The following VPS13B variants were observed in gnomAD, a reference collection of about 807,000 sequenced individuals.
The protein encoded by VPS13B is vacuolar protein sorting 13 homolog B.
A neutral mutation model predicts 426.4 loss-of-function variants in VPS13B; 285 were observed. That is an observed-to-expected ratio of 0.67 (90% CI 0.61 to 0.74). The LOEUF is 0.74. Among genes scored for constraint, VPS13B ranks in the 30% least tolerant of loss-of-function variants. The pLI is 0.00. For synonymous variants in VPS13B, 1,676 were observed against 1,676.4 expected, an observed-to-expected ratio of 1.00 and a Z score of 0.01; for missense variants, 4,537 against 4,782.6, an observed-to-expected ratio of 0.95 and a Z score of 1.51.
intron 13 of VPS13B, among the ~76,000 whole-genome samples, chr8:99,145,233 T>C (rs1406020743): frequency 1.3e-5 from 2 of 152,240 alleles, no homozygotes; most frequent in African/African-American, 2.4e-5. Context: ...ATTAACTTAT[T>C]ATTTTAATAG....
intron 19 of VPS13B, among the ~76,000 whole-genome samples, chr8:99,305,474 G>C (rs1820588004): frequency 1.3e-5 from 2 of 152,058 alleles, no homozygotes; most frequent in Admixed American, 1.3e-4. Context: ...TTGAGTATCA[G>C]CAGATTTTGA....
chr8:99,467,629 C>T lies in VPS13B; in HGVS notation c.3661C>T (p.Pro1221Ser). 6.2e-7 allele frequency: 1 copy of T among 1,608,214 alleles called. No individual in the cohort carries two copies. The highest frequency in any genetic ancestry group is 1.4e-5 in the African/African-American group (1 of 70,520). The change falls in exon 24 of 62, where the codon CCC becomes TCC. Residue 1221 changes from proline (P) to serine (S), a missense_variant. Pro to Ser is a moderately conservative substitution (Grantham distance 74). This residue lies in a region of VPS13B where 4,311 missense variants were observed against 4,474.3 expected (regional missense o/e 0.96). Transcript: ENST00000357162. ...GTCACTAGAGATAAAATGCTCTAATCCCCAGGTTGGTACATTTGATTTATG... is the reference window on the plus strand; with the variant it reads ...GTCACTAGAGATAAAATGCTCTAATTCCCAGGTTGGTACATTTGATTTATG... ...LESLEIKCSN[P>S]QVQLFYELTD...
At chr8:99,210,785 A>G (rs1001598464) in intron 17 of VPS13B, among the ~76,000 whole-genome samples, 2 of 151,990 alleles carry the variant, frequency 1.3e-5, no homozygotes, top group Non-Finnish European at 2.9e-5. Flanking sequence ...TTTTGTAGAG[A>G]TGGAGTTTTG....
At chr8:99,463,754 A>G (rs1018885747) in intron 23 of VPS13B, among the ~76,000 whole-genome samples, 1 of 152,080 alleles carries the variant, frequency 6.6e-6, no homozygotes, top group Middle Eastern at 3.2e-3. Flanking sequence ...GTGCAGTGGC[A>G]TGATCTCGGT....
chr8:99,401,111 T>C (rs1815015349), intron 21 of VPS13B, among the ~76,000 whole-genome samples: 2 of 152,246 alleles, frequency 1.3e-5, no homozygotes, highest in African/African-American at 4.8e-5. Flanking sequence ...ATACATCATA[T>C]TGAAGAGATG....
At chr8:99,056,019 G>A (rs1843830961) in intron 3 of VPS13B, among the ~76,000 whole-genome samples, 1 of 150,960 alleles carries the variant, frequency 6.6e-6, no homozygotes, top group Non-Finnish European at 1.5e-5. Flanking sequence ...GGGATTACGG[G>A]TATGAGCCAC....
chr8:99,322,750 G>T (rs931775891), intron 19 of VPS13B, among the ~76,000 whole-genome samples: 6 of 152,160 alleles, frequency 3.9e-5, no homozygotes, highest in South Asian at 2.1e-4. Flanking sequence ...ATCTGCATTT[G>T]TAAAGGAATT....
At chr8:99,246,832 A>G (rs993316711) in intron 17 of VPS13B, among the ~76,000 whole-genome samples, 17 of 144,788 alleles carry the variant, frequency 1.2e-4, no homozygotes, top group African/African-American at 3.9e-4. Context: ...CCTGGGCGAC[A>G]GAGCAAGACT....
At chr8:99,461,659 C>T (rs898089731) in intron 23 of VPS13B, among the ~76,000 whole-genome samples, 12 of 152,242 alleles carry the variant, frequency 7.9e-5, no homozygotes, top group Admixed American at 2.6e-4. Flanking sequence ...AGACCCATCA[C>T]ATTCCTAATA....
At chr8:99,703,965 T>C (rs542728768) in intron 36 of VPS13B, among the ~76,000 whole-genome samples, 22 of 152,236 alleles carry the variant, frequency 1.4e-4, no homozygotes, top group African/African-American at 4.6e-4. Flanking sequence ...AAATAGAATA[T>C]GAGCAAGTTA....
chr8:99,496,601 A>G (rs1447361470), intron 25 of VPS13B, among the ~76,000 whole-genome samples: 1 of 152,126 alleles, frequency 6.6e-6, no homozygotes, highest in Non-Finnish European at 1.5e-5. Flanking sequence ...CAGTGAGCCA[A>G]GATCTCGCCA....
At chr8:99,213,883 C>T (rs564884739) in intron 17 of VPS13B, among the ~76,000 whole-genome samples, 13 of 151,558 alleles carry the variant, frequency 8.6e-5, no homozygotes, top group East Asian at 3.9e-4. Context: ...CAGAGGCTAC[C>T]GTCATGAATT....
chr8:99,742,852 A>C (rs1809827496), intron 39 of VPS13B, among the ~76,000 whole-genome samples: 1 of 152,172 alleles, frequency 6.6e-6, no homozygotes, highest in Admixed American at 6.5e-5. Context: ...ATCTATGACA[A>C]ACCCACAGCC....
At chr8:99,703,650 TTACGTGTATA>T (rs1453338983) in intron 36 of VPS13B, among the ~76,000 whole-genome samples, 1 of 152,206 alleles carries the variant, frequency 6.6e-6, no homozygotes, top group Non-Finnish European at 1.5e-5. Flanking sequence ...AGCCTTTCCC[TTACGTGTATA>T]TACAACGCAA....
At chr8:99,295,892 G>A (rs1392701183) in intron 19 of VPS13B, among the ~76,000 whole-genome samples, 1 of 152,118 alleles carries the variant, frequency 6.6e-6, no homozygotes, top group Non-Finnish European at 1.5e-5. Flanking sequence ...AATTAGCTGG[G>A]CATGGTAGCA....
At chr8:99,086,495 C>G (rs1414939714) in intron 3 of VPS13B, among the ~76,000 whole-genome samples, 1 of 152,186 alleles carries the variant, frequency 6.6e-6, no homozygotes, top group African/African-American at 2.4e-5. Flanking sequence ...TGTTCCATTG[C>G]TGGTGAGGAG....
intron 44 of VPS13B, among the ~76,000 whole-genome samples, chr8:99,814,194 G>A (rs1588738165): frequency 6.6e-6 from 1 of 152,098 alleles, no homozygotes; most frequent in Non-Finnish European, 1.5e-5. Context: ...ATATTTATTG[G>A]TGTAAATAAT....
At position 99,877,175 on chromosome 8, in the gene VPS13B, A is replaced by G. The variant is rs527570705; in HGVS notation, c.*1509A>G. 1 of 152,146 alleles carries G rather than the reference A, an allele frequency of 6.6e-6. No individual in the cohort carries two copies. Among genetic ancestry groups the G allele is most frequent in the South Asian group, 2.1e-4 (1 of 4,826 alleles). 9.4% of individuals were successfully genotyped at this position (152,146 alleles called of 1,614,324 possible). On this transcript the variant is annotated 3_prime_UTR_variant, in exon 62 of 62. Coordinates refer to ENST00000357162, the MANE Select transcript of VPS13B (RefSeq NM_152564.5). ...CATGCCCAACACCCACTGATCTTTAACTCTCACATGTTGGGCATAAGAAGT... is the reference window on the plus strand; with the variant it reads ...CATGCCCAACACCCACTGATCTTTAGCTCTCACATGTTGGGCATAAGAAGT...
At chr8:99,848,716 A>C in intron 54 of VPS13B, 60 bp from the exon 55 acceptor site, 2 of 1,491,682 alleles carry the variant, frequency 1.3e-6, no homozygotes, top group East Asian at 4.5e-5. Context: ...TTTGAAGTCA[A>C]GCCACTTCAA....
Sources: allele counts gnomAD v4.1 joint callset (sites outside exome capture counted in the v4.1 genomes callset), GRCh38; gene constraint gnomAD v4.1.1; regional missense constraint gnomAD v4.1.1; transcripts MANE v1.5; gene names NCBI Gene and HGNC (gene_info 2026-07-23, HGNC 2026-07-21).